Variants in ARHGAP20 observed in about 807,000 individuals in gnomAD.
The protein encoded by ARHGAP20 is Rho GTPase activating protein 20, also known as rho GTPase-activating protein 20.
ARHGAP20 carries 34 observed loss-of-function variants against 73.7 expected under a neutral mutation model. The observed-to-expected ratio is 0.46, with a 90% CI of 0.35 to 0.61. The LOEUF (loss-of-function observed/expected upper bound fraction) is 0.61, where lower values mean the gene tolerates loss of function less well. ARHGAP20 is among the 20% of genes least tolerant of loss of function. The pLI, the probability that ARHGAP20 is intolerant of heterozygous loss-of-function variation, is 0.00. For synonymous variants in ARHGAP20, 523 were observed against 518.2 expected (o/e 1.01, Z -0.13); for missense variants, 1,314 against 1,420.9 (o/e 0.92, Z 1.21).
rs183512882 is a variant in ARHGAP20, at chr11:110,684,045, C to T, written c.188+6502G>A. On this transcript the variant is annotated intron_variant, in intron 2 of 14. Transcript: ENST00000683387. ...AAGCAGCCTTCACCACGCATGAAAC[C>T]TGCCAGTGCCTTAATCTTGGACTTG... Among the ~76,000 whole-genome samples, 287 of 152,288 alleles carry T rather than the reference C, an allele frequency of 1.9e-3. 1 individual carries two copies. The highest frequency in any genetic ancestry group is 6.6e-3 in the African/African-American group (274 of 41,554).
intron 2 of ARHGAP20, among the ~76,000 whole-genome samples, chr11:110,641,326 C>G (rs1949072981): frequency 6.6e-6 from 1 of 151,908 alleles, no homozygotes; most frequent in Admixed American, 6.6e-5. Flanking sequence ...TTATTATTTC[C>G]AAAGAAGAGA....
chr11:110,603,343 A>C lies in ARHGAP20; in HGVS notation c.964+3218T>G, dbSNP rs184884922. ...CTTTAACCTCTATTAATGGACACTA[A>C]ATGGCTTTGAAAGTTAGTTTTTGCT... On this transcript the variant is annotated intron_variant, in intron 9 of 14. Coordinates refer to ENST00000683387, the MANE Select transcript of ARHGAP20 (RefSeq NM_001384657.1). 1.1e-3 allele frequency among the ~76,000 whole-genome samples: 160 copies of C among 152,288 alleles called. 1 individual carries two copies. Among genetic ancestry groups the C allele is most frequent in the African/African-American group, 3.5e-3 (145 of 41,570 alleles).
intron 9 of ARHGAP20, among the ~76,000 whole-genome samples, 185 bp downstream of exon 9, chr11:110,606,376 T>C (rs1268103160): frequency 6.6e-6 from 1 of 152,260 alleles, no homozygotes; most frequent in Non-Finnish European, 1.5e-5. Context: ...TACTAGCTGC[T>C]GATTCCTAGT....
At chr11:110,698,736 T>C (rs1950385946) in intron 1 of ARHGAP20, among the ~76,000 whole-genome samples, 1 of 151,984 alleles carries the variant, frequency 6.6e-6, no homozygotes, top group Non-Finnish European at 1.5e-5. Flanking sequence ...TGATGATCTT[T>C]TGTATCTCTA....
At chr11:110,622,386 GATA>G (rs1257489823) in intron 4 of ARHGAP20, among the ~76,000 whole-genome samples, 1 of 152,160 alleles carries the variant, frequency 6.6e-6, no homozygotes, top group Non-Finnish European at 1.5e-5. Context: ...AAGTTACAAA[GATA>G]ATATAGAGAT....
intron 11 of ARHGAP20, among the ~76,000 whole-genome samples, chr11:110,588,293 CT>C (rs1441471079): frequency 6.6e-6 from 1 of 152,220 alleles, no homozygotes; most frequent in Non-Finnish European, 1.5e-5. Flanking sequence ...TCAAAGTCAT[CT>C]GAGATGAGAT....
intron 9 of ARHGAP20, among the ~76,000 whole-genome samples, chr11:110,601,814 T>C (rs2134862629): frequency 6.6e-6 from 1 of 151,866 alleles, no homozygotes; most frequent in East Asian, 1.9e-4. Context: ...TGAAACCCCA[T>C]CTCTACTAAA....
In ARHGAP20 at chr11:110,579,030, T is replaced by A. The variant is rs1808890831; in HGVS notation, c.*340A>T. The A allele has an allele frequency of 5.0e-6, 5 of 1,002,628 alleles. No homozygotes were observed. Among genetic ancestry groups the A allele is most frequent in the African/African-American group, 1.7e-5 (1 of 57,726 alleles). 62.1% of individuals were successfully genotyped at this position (1,002,628 alleles called of 1,614,324 possible). ...CTATTCCTCATTCCTGATATCTTGG[T>A]CTTCTCAGGACATCAATCTCACAGA... is the stretch of plus-strand genomic sequence containing the variant. On this transcript the variant is annotated 3_prime_UTR_variant, in exon 15 of 15. Transcript: ENST00000683387.
chr11:110,622,589 C>T (rs1029404610), intron 4 of ARHGAP20, among the ~76,000 whole-genome samples: 5 of 152,130 alleles, frequency 3.3e-5, no homozygotes, highest in African/African-American at 1.2e-4. Flanking sequence ...ATCTAGAATA[C>T]CACATTATAA....
chr11:110,703,096 T>C (rs1301341592), intron 1 of ARHGAP20, among the ~76,000 whole-genome samples: 1 of 152,134 alleles, frequency 6.6e-6, no homozygotes, highest in Non-Finnish European at 1.5e-5. Context: ...CTAGGTAAGC[T>C]GAAGCTTCCT....
At chr11:110,596,768 T>G (rs777701017) in intron 9 of ARHGAP20, among the ~76,000 whole-genome samples, 3 of 152,210 alleles carry the variant, frequency 2.0e-5, no homozygotes, top group Non-Finnish European at 4.4e-5. Flanking sequence ...AAATACCATT[T>G]GACTCAGTAA....
chr11:110,581,297 A>G (rs935220969), intron 14 of ARHGAP20, 72 bp from the exon 15 acceptor site: 2 of 1,429,958 alleles, frequency 1.4e-6, no homozygotes, highest in Admixed American at 5.0e-5. Flanking sequence ...TTAAGAACAA[A>G]TTCTCTTTTC....
chr11:110,686,228 T>C (rs1950129084), intron 2 of ARHGAP20, among the ~76,000 whole-genome samples: 1 of 152,100 alleles, frequency 6.6e-6, no homozygotes, highest in Non-Finnish European at 1.5e-5. Flanking sequence ...ACATACATTA[T>C]AAAAAAGTGG....
At chr11:110,648,966 C>T (rs1317367520) in intron 2 of ARHGAP20, among the ~76,000 whole-genome samples, 1 of 152,068 alleles carries the variant, frequency 6.6e-6, no homozygotes, top group Non-Finnish European at 1.5e-5. Flanking sequence ...TAAGAAGACA[C>T]TAAAGTTTTA....
chr11:110,591,523 T>C (rs978790801), intron 10 of ARHGAP20, among the ~76,000 whole-genome samples: 1 of 152,250 alleles, frequency 6.6e-6, no homozygotes, highest in Non-Finnish European at 1.5e-5. Context: ...CCAGTGGCTT[T>C]CATCTGACCC....
chr11:110,588,868 G>A (rs185968360), intron 11 of ARHGAP20, among the ~76,000 whole-genome samples: 20 of 152,106 alleles, frequency 1.3e-4, no homozygotes, highest in East Asian at 5.8e-4. Flanking sequence ...TCAGGAGATC[G>A]AGACCATCCT....
intron 2 of ARHGAP20, among the ~76,000 whole-genome samples, chr11:110,687,733 G>A (rs889926342): frequency 6.6e-6 from 1 of 151,752 alleles, no homozygotes; most frequent in African/African-American, 2.4e-5. Flanking sequence ...ACACTCTAAC[G>A]GTAACATAAA....
At chr11:110,686,671 TA>T (rs1950138340) in intron 2 of ARHGAP20, among the ~76,000 whole-genome samples, 1 of 152,074 alleles carries the variant, frequency 6.6e-6, no homozygotes, top group African/African-American at 2.4e-5. Context: ...ATTCTATACT[TA>T]AAAATCTATA....
At chr11:110,618,755 T>C (rs1469250274) in intron 4 of ARHGAP20, among the ~76,000 whole-genome samples, 5 of 120,742 alleles carry the variant, frequency 4.1e-5, no homozygotes, top group Admixed American at 2.5e-4. Flanking sequence ...TATGCAGTGA[T>C]AGCATATATG....
Sources: allele counts gnomAD v4.1 joint callset (sites outside exome capture counted in the v4.1 genomes callset), GRCh38; gene constraint gnomAD v4.1.1; transcripts MANE v1.5; gene names NCBI Gene and HGNC (gene_info 2026-07-23, HGNC 2026-07-21).